The following GLIS1 variants were observed in gnomAD, a reference collection of about 807,000 sequenced individuals.
GLIS1 encodes GLIS family zinc finger 1.
In GLIS1, 24 loss-of-function variants were observed where a neutral mutation model predicts 63.8. The ratio of observed to expected loss-of-function variants is 0.38; its 90% CI spans 0.27 to 0.53. The LOEUF (loss-of-function observed/expected upper bound fraction) is 0.53. Among genes scored for constraint, GLIS1 ranks in the 20% least tolerant of loss-of-function variants. GLIS1 has a pLI of 0.85. For missense variants in GLIS1, 1,036 were observed against 1,074.1 expected (o/e 0.96, Z 0.50); for synonymous variants, 450 against 482.5 (o/e 0.93, Z 0.88).
At chr1:53,557,531 C>A (rs1644846372) in intron 4 of GLIS1, among the ~76,000 whole-genome samples, 1 of 152,132 alleles carries the variant, frequency 6.6e-6, no homozygotes, top group African/African-American at 2.4e-5. Context: ...GAAATGGCGG[C>A]AAGGGCAGCA....
chr1:53,523,552 C>T (rs1025416802), intron 6 of GLIS1, among the ~76,000 whole-genome samples: 3 of 152,210 alleles, frequency 2.0e-5, no homozygotes, highest in African/African-American at 7.2e-5. Context: ...CTGTCCTCCT[C>T]TGTCATGCCA....
At chr1:53,659,742 AGCT>A (rs1646006122) in intron 2 of GLIS1, among the ~76,000 whole-genome samples, 1 of 152,210 alleles carries the variant, frequency 6.6e-6, no homozygotes, top group Non-Finnish European at 1.5e-5. Flanking sequence ...ACCCTGGGAA[AGCT>A]GTTCATCTAC....
chr1:53,706,156 G>A (rs1570080353), intron 2 of GLIS1, among the ~76,000 whole-genome samples: 2 of 152,346 alleles, frequency 1.3e-5, no homozygotes, highest in South Asian at 4.1e-4. Flanking sequence ...AAGGAAACAA[G>A]GCTTAGTGAG....
At position 53,598,729 on chromosome 1, in the gene GLIS1, C is replaced by T. The variant is rs1645286457; in HGVS notation, c.437+1372G>A. 6.6e-6 allele frequency among the ~76,000 whole-genome samples: 1 copy of T among 152,202 alleles called. No individual in the cohort carries two copies. Among genetic ancestry groups the T allele is most frequent in the African/African-American group, 2.4e-5 (1 of 41,440 alleles). On this transcript the variant is annotated intron_variant, in intron 3 of 10. Coordinates refer to ENST00000628545, the MANE Select transcript of GLIS1 (RefSeq NM_001367484.1). This position sits in a 1 kb window ranked among gnomAD's most constrained non-coding sequence, Gnocchi z 4.6. ...GTTGTTTAAACCACCTAGTCCATGG[C>T]ATTTGCTATGGCAGCCTAAACAAAC... is the stretch of plus-strand genomic sequence containing the variant.
chr1:53,633,183 G>A (rs1384128029), intron 2 of GLIS1, among the ~76,000 whole-genome samples: 2 of 149,308 alleles, frequency 1.3e-5, no homozygotes, highest in Admixed American at 1.3e-4. Flanking sequence ...GCATGTGAAT[G>A]TGACTGTGAG....
intron 3 of GLIS1, among the ~76,000 whole-genome samples, chr1:53,595,997 C>T (rs977350753): frequency 2.0e-5 from 3 of 152,232 alleles, no homozygotes; most frequent in Non-Finnish European, 4.4e-5. Context: ...AGATCAGGCT[C>T]AGCCACATCC....
At chr1:53,663,175 T>C (rs901568488) in intron 2 of GLIS1, among the ~76,000 whole-genome samples, 4 of 152,224 alleles carry the variant, frequency 2.6e-5, no homozygotes, top group African/African-American at 9.6e-5. Context: ...TCAGCCTGTG[T>C]GGCCCCAGCC....
intron 2 of GLIS1, among the ~76,000 whole-genome samples, chr1:53,704,459 G>A (rs551397640): frequency 6.6e-6 from 1 of 152,332 alleles, no homozygotes; most frequent in East Asian, 1.9e-4. Flanking sequence ...ACCTCAGGGG[G>A]TCTTTTAATT....
At chr1:53,647,409 A>C (rs1645858411) in intron 2 of GLIS1, among the ~76,000 whole-genome samples, 1 of 152,318 alleles carries the variant, frequency 6.6e-6, no homozygotes, top group East Asian at 1.9e-4. Flanking sequence ...TATTTAATTG[A>C]TTTATGGTAA....
intron 4 of GLIS1, among the ~76,000 whole-genome samples, chr1:53,556,036 GGTGTGTGT>G (rs143953220): frequency 2.9e-4 from 34 of 116,264 alleles, no homozygotes; most frequent in Admixed American, 1.3e-3. Flanking sequence ...GTGTATTGCA[GGTGTGTGT>G]GTGTGTGTGT....
intron 7 of GLIS1, among the ~76,000 whole-genome samples, chr1:53,515,232 G>A (rs1245724952): frequency 6.6e-6 from 1 of 152,128 alleles, no homozygotes; most frequent in Non-Finnish European, 1.5e-5. Flanking sequence ...CCCAGGAATG[G>A]AGAGAAGCTT....
At chr1:53,729,333 T>G (rs1403478411) in intron 2 of GLIS1, among the ~76,000 whole-genome samples, 1 of 152,130 alleles carries the variant, frequency 6.6e-6, no homozygotes, top group African/African-American at 2.4e-5. Flanking sequence ...CGAGAAGCCC[T>G]AGCACAGAGA....
intron 2 of GLIS1, among the ~76,000 whole-genome samples, chr1:53,716,854 T>C (rs1646703441): frequency 6.6e-6 from 1 of 152,086 alleles, no homozygotes. Flanking sequence ...TGTCTAGAAC[T>C]GAAGGTCATG....
At chr1:53,663,770 G>A (rs1263902007) in intron 2 of GLIS1, among the ~76,000 whole-genome samples, 1 of 152,236 alleles carries the variant, frequency 6.6e-6, no homozygotes, top group Non-Finnish European at 1.5e-5. Context: ...TCGGGGTCAG[G>A]ACAAAACGTT....
At chr1:53,709,335 T>TATAC (rs1646614761) in intron 2 of GLIS1, among the ~76,000 whole-genome samples, 1 of 136,466 alleles carries the variant, frequency 7.3e-6, no homozygotes, top group East Asian at 2.1e-4. Context: ...TATACACATA[T>TATAC]ATATACATAT....
chr1:53,617,274 T>G (rs1187167286), intron 2 of GLIS1, among the ~76,000 whole-genome samples: 1 of 150,812 alleles, frequency 6.6e-6, no homozygotes, highest in East Asian at 1.9e-4. Context: ...CCACCAAGAG[T>G]GGGTGGGTCA....
At chr1:53,603,724 G>A (rs985101469) in intron 2 of GLIS1, among the ~76,000 whole-genome samples, 2 of 152,266 alleles carry the variant, frequency 1.3e-5, no homozygotes, top group African/African-American at 2.4e-5. Flanking sequence ...CCGCAACCAT[G>A]TCTCACTCTG....
intron 2 of GLIS1, among the ~76,000 whole-genome samples, chr1:53,657,253 A>T (rs1424744004): frequency 1.3e-5 from 2 of 152,184 alleles, no homozygotes; most frequent in Non-Finnish European, 2.9e-5. Flanking sequence ...GTATGCTAAT[A>T]GGTCAGAGAC....
rs1212200260 is a variant in GLIS1, at chr1:53,647,041, G to A, written c.260-46763C>T. ...AAGAAAATTGAGATAAATTAAGGAA[G>A]ACCTAAATGAATTGAGAGATAAGCC... On this transcript the variant is annotated intron_variant, in intron 2 of 10. Coordinates refer to ENST00000628545, the MANE Select transcript of GLIS1 (RefSeq NM_001367484.1). 2.0e-5 allele frequency among the ~76,000 whole-genome samples: 3 copies of A among 152,156 alleles called. No individual in the cohort carries two copies. In the South Asian group the frequency reaches 6.2e-4, roughly 32 times the overall value.
Sources: allele counts gnomAD v4.1 joint callset (sites outside exome capture counted in the v4.1 genomes callset), GRCh38; gene constraint gnomAD v4.1.1; non-coding constraint Gnocchi (gnomAD v3.1); transcripts MANE v1.5; gene names NCBI Gene and HGNC (gene_info 2026-07-23, HGNC 2026-07-21).